Variants in CEP85L observed in about 807,000 individuals in gnomAD.
The protein encoded by CEP85L is centrosomal protein of 85 kDa-like.
Under a neutral mutation model 100.3 loss-of-function variants are expected in CEP85L, and 60 were observed. The ratio of observed to expected loss-of-function variants is 0.60; its 90% CI spans 0.49 to 0.74. The LOEUF is 0.74. Ranked by LOEUF, CEP85L falls within the 30% of genes least tolerant of loss-of-function variation. CEP85L has a pLI of 0.00. For missense variants in CEP85L, 973 were observed against 936.2 expected, an observed-to-expected ratio of 1.04 and a Z score of -0.51; for synonymous variants, 319 against 322.7, an observed-to-expected ratio of 0.99 and a Z score of 0.12.
At chr6:118,626,629 A>G (rs1289299747) in intron 2 of CEP85L, among the ~76,000 whole-genome samples, 1 of 152,124 alleles carries the variant, frequency 6.6e-6, no homozygotes, top group Non-Finnish European at 1.5e-5. Flanking sequence ...CACCCAAGCT[A>G]GCAGTGGCAA....
intron 2 of CEP85L, 125 bp from the exon 3 acceptor site, chr6:118,566,441 G>A (rs1414934586): frequency 9.5e-6 from 8 of 841,208 alleles, no homozygotes; most frequent in East Asian, 5.3e-5. Context: ...TTTTTGAGAC[G>A]TAGTTTTAGC....
At chr6:118,650,574 G>A (rs1775483631) in intron 1 of CEP85L, among the ~76,000 whole-genome samples, 1 of 152,204 alleles carries the variant, frequency 6.6e-6, no homozygotes, top group South Asian at 2.1e-4. Flanking sequence ...CTCCTCTTAC[G>A]CCGCAGGGGC....
At chr6:118,478,487 A>T (rs1773550056) in intron 10 of CEP85L, among the ~76,000 whole-genome samples, 1 of 152,104 alleles carries the variant, frequency 6.6e-6, no homozygotes. Context: ...GTGTCTCTAG[A>T]TCTGAAAACC....
chr6:118,675,723 G>A lies in CEP85L; in HGVS notation c.-27-22915C>T, dbSNP rs189449217. Among the ~76,000 whole-genome samples the A allele has an allele frequency of 3.5e-4, 53 of 152,082 alleles. 1 individual carries two copies. In the East Asian group the frequency reaches 5.4e-3, roughly 16 times the overall value. On this transcript the variant is annotated intron_variant, in intron 1 of 13. Transcript: ENST00000368488. ...TCAAAATCGGCCTGGACAACATAGC[G>A]AGACCCCAAGGCAACCCAGTAAGAC...
chr6:118,498,458 TCTA>T (rs1775061364), intron 5 of CEP85L, among the ~76,000 whole-genome samples: 2 of 152,194 alleles, frequency 1.3e-5, no homozygotes, highest in South Asian at 4.1e-4. Flanking sequence ...AACAGATTAA[TCTA>T]CTATCGCAGT....
At chr6:118,490,874 CTGA>C (rs1774508495) in intron 6 of CEP85L, among the ~76,000 whole-genome samples, 1 of 152,110 alleles carries the variant, frequency 6.6e-6, no homozygotes, top group Non-Finnish European at 1.5e-5. Context: ...CAAAATTATA[CTGA>C]TAATAATCAA....
intron 2 of CEP85L, among the ~76,000 whole-genome samples, chr6:118,619,321 G>A (rs908107016): frequency 6.6e-6 from 1 of 152,194 alleles, no homozygotes; most frequent in African/African-American, 2.4e-5. Flanking sequence ...TTGGCCCCCT[G>A]AGGGAAGTAT....
chr6:118,570,004 T>C (rs1779790298), intron 2 of CEP85L, among the ~76,000 whole-genome samples: 1 of 152,166 alleles, frequency 6.6e-6, no homozygotes, highest in African/African-American at 2.4e-5. Context: ...AGGGAGGCAA[T>C]TTGTACATAT....
At chr6:118,614,146 G>C (rs1483442532) in intron 2 of CEP85L, among the ~76,000 whole-genome samples, 2 of 152,084 alleles carry the variant, frequency 1.3e-5, no homozygotes, top group African/African-American at 4.8e-5. Context: ...TCAATTCATT[G>C]AGGAAAAAAA....
At chr6:118,605,929 G>T (rs762382837) in intron 2 of CEP85L, among the ~76,000 whole-genome samples, 6 of 150,336 alleles carry the variant, frequency 4.0e-5, no homozygotes, top group African/African-American at 9.8e-5. Context: ...CAGGAGAATC[G>T]CTTGAACCCG....
At chr6:118,589,071 T>G (rs1781029047) in intron 2 of CEP85L, 1 of 302,054 alleles carries the variant, frequency 3.3e-6, no homozygotes, top group African/African-American at 2.2e-5. Context: ...CCCAATGCCA[T>G]GAACGGAGAC....
chr6:118,501,912 G>A, intron 5 of CEP85L: 4 of 1,112,086 alleles, frequency 3.6e-6, no homozygotes, highest in East Asian at 2.4e-5. Context: ...ATGCTTTTAA[G>A]TTTAAAAGCA....
intron 3 of CEP85L, among the ~76,000 whole-genome samples, chr6:118,525,310 A>G (rs1285861671): frequency 6.6e-6 from 1 of 152,244 alleles, no homozygotes; most frequent in Admixed American, 6.5e-5. Context: ...TTGAAAAAGC[A>G]GCAAACATTT....
At chr6:118,638,501 T>C (rs1367105962) in intron 1 of CEP85L, among the ~76,000 whole-genome samples, 2 of 150,742 alleles carry the variant, frequency 1.3e-5, no homozygotes, top group Non-Finnish European at 2.9e-5. Flanking sequence ...GGTGATTTAA[T>C]AAGGAAAATT....
At chr6:118,628,697 G>A (rs936559661) in intron 2 of CEP85L, among the ~76,000 whole-genome samples, 2 of 151,808 alleles carry the variant, frequency 1.3e-5, no homozygotes, top group Non-Finnish European at 2.9e-5. Context: ...AGAATTGTGG[G>A]ACAACTACAA....
intron 2 of CEP85L, among the ~76,000 whole-genome samples, chr6:118,584,794 C>G (rs1385466015): frequency 1.3e-5 from 2 of 152,334 alleles, no homozygotes; most frequent in Non-Finnish European, 2.9e-5. Context: ...TTATGCCCCA[C>G]CTAACGTGGC....
intron 2 of CEP85L, among the ~76,000 whole-genome samples, chr6:118,609,115 A>T (rs1772439524): frequency 6.6e-6 from 1 of 152,352 alleles, no homozygotes; most frequent in East Asian, 1.9e-4. Context: ...AAAGAAAGCA[A>T]ATCATAAAAC....
At chr6:118,519,816 T>A (rs899713151) in intron 4 of CEP85L, among the ~76,000 whole-genome samples, 2 of 151,940 alleles carry the variant, frequency 1.3e-5, no homozygotes, top group East Asian at 1.9e-4. Flanking sequence ...AGTGAATAAT[T>A]CCCAACTCTA....
intron 10 of CEP85L, among the ~76,000 whole-genome samples, chr6:118,477,575 A>T (rs1773479297): frequency 6.6e-6 from 1 of 152,114 alleles, no homozygotes; most frequent in Admixed American, 6.6e-5. Flanking sequence ...TTGGGAGTAA[A>T]TTTAAACTGT....
Sources: gnomAD v4.1 joint callset for allele counts (sites outside exome capture counted in the v4.1 genomes callset) on GRCh38, gnomAD v4.1.1 for gene constraint, MANE v1.5 for transcripts, NCBI Gene and HGNC (gene_info 2026-07-23, HGNC 2026-07-21) for gene names.